Variants in SLC23A2 observed in about 807,000 individuals in gnomAD.
SLC23A2 encodes Na(+)/L-ascorbic acid transporter 2.
Under a neutral mutation model 73.3 loss-of-function variants are expected in SLC23A2, and 36 were observed. The ratio of observed to expected loss-of-function variants is 0.49; its 90% CI spans 0.38 to 0.65. The LOEUF (loss-of-function observed/expected upper bound fraction) is 0.65. SLC23A2 is among the 30% of genes least tolerant of loss of function. The pLI is 0.00. For synonymous variants in SLC23A2, 343 were observed against 327.3 expected, an observed-to-expected ratio of 1.05 and a Z score of -0.52; for missense variants, 507 against 841.6, an observed-to-expected ratio of 0.60 and a Z score of 4.92.
At chr20:4,915,288 T>C (rs1406797563) in intron 3 of SLC23A2, among the ~76,000 whole-genome samples, 1 of 152,226 alleles carries the variant, frequency 6.6e-6, no homozygotes, top group Non-Finnish European at 1.5e-5. Flanking sequence ...TGTAAGTGTT[T>C]GGATCTTTTA....
intron 3 of SLC23A2, among the ~76,000 whole-genome samples, chr20:4,918,927 G>A (rs1932413443): frequency 6.6e-6 from 1 of 152,046 alleles, no homozygotes. Flanking sequence ...TCCTCAATGT[G>A]TGCACACACC....
intron 2 of SLC23A2, among the ~76,000 whole-genome samples, chr20:4,970,278 G>A (rs2087540823): frequency 6.6e-6 from 1 of 152,106 alleles, no homozygotes; most frequent in African/African-American, 2.4e-5. Flanking sequence ...CGTGGAATTT[G>A]GCCTAAAGAA....
At chr20:4,859,229 A>G (rs999673890) in intron 16 of SLC23A2, 60 bp downstream of exon 16, 405 of 1,036,246 alleles carry the variant, frequency 3.9e-4, no homozygotes, top group Non-Finnish European at 5.4e-4. Context: ...TTGGCAAAAA[A>G]AGTAACACAT....
At chr20:4,983,922 C>T (rs1370602904) in intron 1 of SLC23A2, among the ~76,000 whole-genome samples, 1 of 151,364 alleles carries the variant, frequency 6.6e-6, no homozygotes, top group Non-Finnish European at 1.5e-5. Context: ...CGCCATTGCA[C>T]TCCAGCCTGG....
At chr20:4,867,181 G>T (rs527472394) in intron 13 of SLC23A2, among the ~76,000 whole-genome samples, 50 of 151,696 alleles carry the variant, frequency 3.3e-4, no homozygotes, top group African/African-American at 1.2e-3. Flanking sequence ...CAGTTACCCG[G>T]CAGACCCCAC....
rs1293221994 is a variant in SLC23A2, at chr20:4,947,379, TGA to T, written c.-154-14665_-154-14664del. Among the ~76,000 whole-genome samples, 7 of 152,226 alleles carry T rather than the reference TGA, an allele frequency of 4.6e-5. No individual in the cohort carries two copies. Among genetic ancestry groups the T allele is most frequent in the Admixed American group, 2.0e-4 (3 of 15,284 alleles). On this transcript the variant is annotated intron_variant, in intron 2 of 16. Coordinates refer to ENST00000338244, the MANE Select transcript of SLC23A2 (RefSeq NM_005116.6). This position sits in a 1 kb window ranked among gnomAD's most constrained non-coding sequence, Gnocchi z 4.4. ...TTAGCAAACTAAAGCAGAACAAAGA[TGA>T]GTTTTATTGCATTTATTTCTACTAC...
In SLC23A2 at chr20:4,857,292, AC is replaced by A; in HGVS notation, c.1721-89del. ...ACTGTCGTCAAACACATACACACACACACACACACACACACACACACACACA... is the reference window on the plus strand; with the variant it reads ...ACTGTCGTCAAACACATACACACACAACACACACACACACACACACACACA... On this transcript the variant is annotated intron_variant, in intron 16 of 16. Coordinates refer to ENST00000338244, the MANE Select transcript of SLC23A2 (RefSeq NM_005116.6). The surrounding 1 kb of genome is among the most constrained non-coding windows in gnomAD (Gnocchi z 4.0). The A allele has an allele frequency of 3.3e-6, 1 of 305,914 alleles. No homozygotes were observed. The allele number at this position is 305,914 out of a possible 1,614,324, so 18.9% of individuals were successfully genotyped here. A position where few individuals can be genotyped will look rare whatever the true frequency, so the allele number is the denominator to read the frequency against.
At position 4,913,053 on chromosome 20, in the gene SLC23A2, C is replaced by A. The variant is rs564851613; in HGVS notation, c.109-75G>T. 18 of 954,588 alleles carry A rather than the reference C, an allele frequency of 1.9e-5. No homozygotes were observed. The East Asian group carries it at 1.9e-4, about 10-fold the overall frequency. 59.1% of individuals were successfully genotyped at this position (954,588 alleles called of 1,614,324 possible). A position where few individuals can be genotyped will look rare whatever the true frequency, so the allele number is the denominator to read the frequency against. ...CTCCCCCCGAAAGCCATTTGTAATT[C>A]TCCTGGTGAGTGCATGACCAGGCAT... On this transcript the variant is annotated intron_variant, in intron 3 of 16. Coordinates refer to ENST00000338244, the MANE Select transcript of SLC23A2 (RefSeq NM_005116.6).
chr20:4,912,876 G>A lies in SLC23A2; in HGVS notation c.207+4C>T. 6.3e-7 allele frequency: 1 copy of A among 1,590,052 alleles called. No homozygotes were observed. The highest frequency in any genetic ancestry group is 1.1e-5 in the South Asian group (1 of 90,620). On this transcript the variant is annotated splice_donor_region_variant and intron_variant, in intron 4 of 16. Coordinates refer to ENST00000338244, the MANE Select transcript of SLC23A2 (RefSeq NM_005116.6). ...GTGGGGACACGGGGTGACGGAAGGGGTACCTTTTCTGCAATGCCGTTTTCC... is the reference window on the plus strand; with the variant it reads ...GTGGGGACACGGGGTGACGGAAGGGATACCTTTTCTGCAATGCCGTTTTCC...
intron 2 of SLC23A2, among the ~76,000 whole-genome samples, chr20:4,963,864 C>G (rs6139588): frequency 1.1e-4 from 17 of 151,744 alleles, no homozygotes; most frequent in African/African-American, 3.9e-4. Flanking sequence ...AGCAAAAAAT[C>G]AAAAAGGCAG....
intron 6 of SLC23A2, among the ~76,000 whole-genome samples, chr20:4,890,954 G>C (rs1389886434): frequency 6.6e-6 from 1 of 152,176 alleles, no homozygotes; most frequent in Non-Finnish European, 1.5e-5. Flanking sequence ...TGGGGACTTA[G>C]GAGGATGGGG....
intron 3 of SLC23A2, among the ~76,000 whole-genome samples, chr20:4,913,608 TTTGTTG>T (rs72552235): frequency 5.3e-5 from 8 of 151,968 alleles, no homozygotes; most frequent in African/African-American, 1.2e-4. Context: ...TTTTTTAGGT[TTTGTTG>T]TTGTTGTTGT....
intron 1 of SLC23A2, among the ~76,000 whole-genome samples, chr20:4,975,441 T>C (rs995342951): frequency 7.9e-5 from 12 of 151,796 alleles, no homozygotes; most frequent in African/African-American, 2.7e-4. Context: ...AATGCAGTGG[T>C]GCCATCTTGG....
intron 4 of SLC23A2, among the ~76,000 whole-genome samples, chr20:4,905,508 A>G (rs1019481080): frequency 5.3e-5 from 8 of 152,258 alleles, no homozygotes; most frequent in Middle Eastern, 3.2e-3. Context: ...TAATTACGTC[A>G]CTTTACAAAG....
intron 2 of SLC23A2, among the ~76,000 whole-genome samples, chr20:4,960,666 G>T (rs1600175583): frequency 6.6e-6 from 1 of 152,186 alleles, no homozygotes; most frequent in Admixed American, 6.5e-5. Flanking sequence ...TTATATGTTG[G>T]TTTGTGAATA....
chr20:4,994,115 A>G (rs531100283), intron 1 of SLC23A2, among the ~76,000 whole-genome samples: 1 of 152,228 alleles, frequency 6.6e-6, no homozygotes, highest in South Asian at 2.1e-4. Context: ...TTCAATAGAA[A>G]ATTCTCAGCA....
intron 2 of SLC23A2, among the ~76,000 whole-genome samples, chr20:4,968,307 T>G (rs1292558711): frequency 6.6e-6 from 1 of 152,248 alleles, no homozygotes; most frequent in Middle Eastern, 3.4e-3. Context: ...TGGCATATGA[T>G]GCGTCTTTTG....
At chr20:4,983,034 G>A (rs910761872) in intron 1 of SLC23A2, among the ~76,000 whole-genome samples, 1 of 151,830 alleles carries the variant, frequency 6.6e-6, no homozygotes, top group Admixed American at 6.6e-5. Flanking sequence ...GAACCCAGGA[G>A]GCAGAGGTTG....
chr20:4,923,394 TC>T (rs756063106), intron 3 of SLC23A2, among the ~76,000 whole-genome samples: 1 of 152,126 alleles, frequency 6.6e-6, no homozygotes, highest in Non-Finnish European at 1.5e-5. Flanking sequence ...TAACACTTTT[TC>T]CCCCCAACTT....
Sources: allele counts gnomAD v4.1 joint callset (sites outside exome capture counted in the v4.1 genomes callset), GRCh38; gene constraint gnomAD v4.1.1; non-coding constraint Gnocchi (gnomAD v3.1); transcripts MANE v1.5; gene names NCBI Gene and HGNC (gene_info 2026-07-23, HGNC 2026-07-21).